Variants in CERKL observed in about 807,000 individuals in gnomAD.
CERKL encodes CERK like autophagy regulator.
Under a neutral mutation model 63.4 loss-of-function variants are expected in CERKL, and 61 were observed. The observed-to-expected ratio is 0.96, with a 90% CI of 0.78 to 1.19. The LOEUF (loss-of-function observed/expected upper bound fraction) is 1.19, where lower values mean the gene tolerates loss of function less well. Ranked by LOEUF, CERKL falls within the 50% of genes most tolerant of loss-of-function variation. The pLI is 0.00. For synonymous variants in CERKL, 250 were observed against 230.5 expected (o/e 1.08, Z -0.77); for missense variants, 675 against 655.5 (o/e 1.03, Z -0.33).
intron 3 of CERKL, among the ~76,000 whole-genome samples, chr2:181,573,255 GACA>G (rs1443141408): frequency 6.6e-6 from 1 of 152,092 alleles, no homozygotes; most frequent in Non-Finnish European, 1.5e-5. Flanking sequence ...TCTTAGTTTA[GACA>G]ACAAATTTAA....
At chr2:181,653,823 T>G (rs1265067657) in intron 1 of CERKL, among the ~76,000 whole-genome samples, 3 of 152,200 alleles carry the variant, frequency 2.0e-5, no homozygotes, top group Non-Finnish European at 4.4e-5. Flanking sequence ...GAAGAATAAA[T>G]TCTGGTGTTT....
At chr2:181,543,036 T>C (rs1687577718) in intron 11 of CERKL, among the ~76,000 whole-genome samples, 1 of 151,848 alleles carries the variant, frequency 6.6e-6, no homozygotes, top group Admixed American at 6.6e-5. Context: ...TTCTCAGGGG[T>C]ACATTAATAG....
At chr2:181,612,480 C>T (rs1013912708) in intron 1 of CERKL, among the ~76,000 whole-genome samples, 7 of 152,208 alleles carry the variant, frequency 4.6e-5, no homozygotes, top group Non-Finnish European at 7.4e-5. Context: ...TTTTCTAGAA[C>T]TTCATATAAA....
chr2:181,547,521 T>C (rs1687777709), intron 10 of CERKL, 97 bp downstream of exon 10: 3 of 890,362 alleles, frequency 3.4e-6, no homozygotes, highest in Non-Finnish European at 5.6e-6. Flanking sequence ...ATAAACTACC[T>C]GTTAAGTTTC....
chr2:181,612,590 TAA>T (rs1686012582), intron 1 of CERKL, among the ~76,000 whole-genome samples: 1 of 152,216 alleles, frequency 6.6e-6, no homozygotes, highest in South Asian at 2.1e-4. Context: ...ATTGGATTAA[TAA>T]GTGTCAAGAA....
In CERKL at chr2:181,537,012, A is replaced by AGGAATGTTCTGAGATTT. The variant is rs1687155021; in HGVS notation, c.*1155_*1171dup. 1 of 447,108 alleles carries AGGAATGTTCTGAGATTT rather than the reference A, an allele frequency of 2.2e-6. No homozygotes were observed. Among genetic ancestry groups the AGGAATGTTCTGAGATTT allele is most frequent in the Non-Finnish European group, 4.5e-6 (1 of 223,666 alleles). 27.7% of individuals were successfully genotyped at this position (447,108 alleles called of 1,614,324 possible). On this transcript the variant is annotated 3_prime_UTR_variant, in exon 13 of 13. Transcript: ENST00000410087. ...TGTTCACAGGCCTGCAGTGATGGTG[A>AGGAATGTTCTGAGATTT]GGAATGTTCTGAGATTTGCGAAGGC...
intron 1 of CERKL, among the ~76,000 whole-genome samples, chr2:181,655,606 T>C (rs1318363108): frequency 2.0e-5 from 3 of 152,244 alleles, no homozygotes; most frequent in Non-Finnish European, 1.5e-5. Context: ...CAGGCAGAAT[T>C]CACAATCGCA....
At chr2:181,613,187 C>A (rs1223837448) in intron 1 of CERKL, among the ~76,000 whole-genome samples, 2 of 152,182 alleles carry the variant, frequency 1.3e-5, no homozygotes, top group East Asian at 3.8e-4. Flanking sequence ...CTCTTGACAA[C>A]CGCAATTGTA....
chr2:181,651,954 AAG>A (rs1446001549), intron 1 of CERKL, among the ~76,000 whole-genome samples: 3 of 152,184 alleles, frequency 2.0e-5, no homozygotes, highest in African/African-American at 7.2e-5. Flanking sequence ...AAGGAAGTGA[AAG>A]AATCTCTACA....
In CERKL at chr2:181,597,206, A is replaced by C. The variant is rs956153107; in HGVS notation, c.481+6631T>G. 2.0e-5 allele frequency among the ~76,000 whole-genome samples: 3 copies of C among 152,180 alleles called. No individual in the cohort carries two copies. In the East Asian group the frequency reaches 5.8e-4, roughly 29 times the overall value. ...GTTTTTCCTATTCTTTTATTGAGCA[A>C]ATTTTACATAATACCTATGTTTTCA... On this transcript the variant is annotated intron_variant, in intron 2 of 12. Coordinates refer to ENST00000410087, the MANE Select transcript of CERKL (RefSeq NM_201548.5).
At chr2:181,586,835 C>T (rs1684789283) in intron 2 of CERKL, among the ~76,000 whole-genome samples, 1 of 152,202 alleles carries the variant, frequency 6.6e-6, no homozygotes. Flanking sequence ...CACATCTGTG[C>T]TGTTTTGAGT....
intron 2 of CERKL, among the ~76,000 whole-genome samples, chr2:181,593,499 A>T (rs953138451): frequency 2.0e-5 from 3 of 152,012 alleles, no homozygotes; most frequent in African/African-American, 7.2e-5. Flanking sequence ...TAGACAATTC[A>T]GAAGTATATA....
intron 1 of CERKL, among the ~76,000 whole-genome samples, chr2:181,606,657 GTCT>G (rs1685732931): frequency 6.6e-6 from 1 of 151,736 alleles, no homozygotes; most frequent in Non-Finnish European, 1.5e-5. Flanking sequence ...ACATTTTTTG[GTCT>G]TCTATTTCTT....
At chr2:181,543,253 T>C (rs957279315) in intron 11 of CERKL, among the ~76,000 whole-genome samples, 1 of 152,208 alleles carries the variant, frequency 6.6e-6, no homozygotes, top group Non-Finnish European at 1.5e-5. Context: ...ATATAGTGCT[T>C]TGGGTTTTTT....
chr2:181,625,955 T>C (rs147159504), intron 1 of CERKL, among the ~76,000 whole-genome samples: 57 of 152,296 alleles, frequency 3.7e-4, no homozygotes, highest in African/African-American at 1.3e-3. Flanking sequence ...GTAGTGCAAA[T>C]AAGTTTAGAT....
intron 2 of CERKL, among the ~76,000 whole-genome samples, chr2:181,592,271 A>G (rs1347611868): frequency 6.6e-6 from 1 of 152,152 alleles, no homozygotes; most frequent in Non-Finnish European, 1.5e-5. Context: ...TGGGTCTGAC[A>G]GCTCTAAAAT....
At chr2:181,654,216 T>C (rs1189077251) in intron 1 of CERKL, among the ~76,000 whole-genome samples, 2 of 151,208 alleles carry the variant, frequency 1.3e-5, no homozygotes, top group Non-Finnish European at 2.9e-5. Context: ...CAAATTGACT[T>C]ATAGCCTCTT....
rs576621683 is a variant in CERKL at position 181,588,178 on chromosome 2, G to A, written c.482-14294C>T. On this transcript the variant is annotated intron_variant, in intron 2 of 12. Transcript: ENST00000410087. ...CTTTATAATTAACTATACTCACCAT[G>A]GTATACAATAGACCTCTTGAACTTC... is the stretch of plus-strand genomic sequence containing the variant. 2.0e-5 allele frequency among the ~76,000 whole-genome samples: 3 copies of A among 152,068 alleles called. No individual in the cohort carries two copies. In the East Asian group the frequency reaches 5.8e-4, roughly 29 times the overall value.
chr2:181,558,738 C>CA lies in CERKL; in HGVS notation c.678-31dup, dbSNP rs748685359. 17 of 1,611,254 alleles carry CA rather than the reference C, an allele frequency of 1.1e-5. No individual in the cohort carries two copies. Among genetic ancestry groups the CA allele is most frequent in the Non-Finnish European group, 1.4e-5 (17 of 1,178,122 alleles). On this transcript the variant is annotated intron_variant, in intron 4 of 12. Transcript: ENST00000410087. This position sits in a 1 kb window ranked among gnomAD's most constrained non-coding sequence, Gnocchi z 4.2. The stretch of plus-strand genomic sequence containing the variant: ...AAAAATACAAATCAAGCAAAGAAGG[C>CA]AAAACTTCAGAATGATTGGTAATAA...
Sources: allele counts gnomAD v4.1 joint callset (sites outside exome capture counted in the v4.1 genomes callset), GRCh38; gene constraint gnomAD v4.1.1; non-coding constraint Gnocchi (gnomAD v3.1); transcripts MANE v1.5; gene names NCBI Gene and HGNC (gene_info 2026-07-23, HGNC 2026-07-21).